GPD2: variants seen among roughly 807,000 people sequenced by gnomAD.
The protein encoded by GPD2 is glycerol-3-phosphate dehydrogenase 2, also known as glycerol-3-phosphate dehydrogenase, mitochondrial.
In GPD2, 54 loss-of-function variants were observed where a neutral mutation model predicts 82.4. The ratio of observed to expected loss-of-function variants is 0.66; its 90% CI spans 0.53 to 0.82. The LOEUF (loss-of-function observed/expected upper bound fraction) is 0.82. Ranked by LOEUF, GPD2 falls within the 40% of genes least tolerant of loss-of-function variation. The pLI, the probability that GPD2 is intolerant of heterozygous loss-of-function variation, is 0.00. For missense variants in GPD2, 748 were observed against 896.2 expected (o/e 0.83, Z 2.11); for synonymous variants, 288 against 306.1 (o/e 0.94, Z 0.62).
chr2:156,471,168 C>T (rs767751105), intron 1 of GPD2, among the ~76,000 whole-genome samples: 5 of 152,218 alleles, frequency 3.3e-5, no homozygotes, highest in Non-Finnish European at 7.3e-5. Context: ...CTCCTGTAAT[C>T]GGTTGTCAGG....
chr2:156,544,777 A>G (rs1686465579), intron 6 of GPD2, among the ~76,000 whole-genome samples: 2 of 152,182 alleles, frequency 1.3e-5, no homozygotes, highest in African/African-American at 4.8e-5. Context: ...AAAGCAGCAC[A>G]GTGTATCACC....
chr2:156,482,351 A>C (rs1049673655), intron 2 of GPD2, among the ~76,000 whole-genome samples: 1 of 152,204 alleles, frequency 6.6e-6, no homozygotes, highest in African/African-American at 2.4e-5. Context: ...AACTGTTATA[A>C]TAAGTTCCTT....
rs541930695 is a variant in GPD2, at chr2:156,513,628, C to G, written c.661+132C>G. ...TACACAACACACAAACACACGTGCA[C>G]GCACATATTCACCATTTTCTCTAAC... On this transcript the variant is annotated intron_variant, in intron 6 of 16. Transcript: ENST00000438166. 8 of 723,440 alleles carry G rather than the reference C, an allele frequency of 1.1e-5. No individual in the cohort carries two copies. The East Asian group carries it at 2.1e-4, about 19-fold the overall frequency. The allele number at this position is 723,440 out of a possible 1,614,324, so 44.8% of individuals were successfully genotyped here.
rs1234485116 is a variant in GPD2, at chr2:156,555,072, G to T, written c.972-2317G>T. Among the ~76,000 whole-genome samples the T allele has an allele frequency of 2.6e-5, 4 of 152,286 alleles. No individual in the cohort carries two copies. The East Asian group carries it at 5.8e-4, about 22-fold the overall frequency. ...CATTCTCAAACTTTAGTGTGAACTT[G>T]CAAAATTGATCCTTCATGAGAAAAC... On this transcript the variant is annotated intron_variant, in intron 8 of 16. Coordinates refer to ENST00000438166, the MANE Select transcript of GPD2 (RefSeq NM_000408.5).
At chr2:156,504,958 T>G (rs2105259214) in intron 3 of GPD2, among the ~76,000 whole-genome samples, 1 of 152,284 alleles carries the variant, frequency 6.6e-6, no homozygotes, top group East Asian at 1.9e-4. Flanking sequence ...GAGTTTTATT[T>G]TATTCTCTTT....
intron 1 of GPD2, among the ~76,000 whole-genome samples, chr2:156,468,091 T>C (rs1049926235): frequency 3.3e-5 from 5 of 152,170 alleles, no homozygotes; most frequent in African/African-American, 1.2e-4. Flanking sequence ...AGATACCTCC[T>C]TCAAGGGAAT....
chr2:156,471,008 G>A (rs780098006), intron 1 of GPD2, among the ~76,000 whole-genome samples: 14 of 152,274 alleles, frequency 9.2e-5, no homozygotes, highest in South Asian at 8.3e-4. Flanking sequence ...TAGATGTTCC[G>A]TCAAGATCTC....
intron 2 of GPD2, among the ~76,000 whole-genome samples, chr2:156,481,440 C>T (rs1683727332): frequency 6.6e-6 from 1 of 151,732 alleles, no homozygotes; most frequent in Admixed American, 6.6e-5. Flanking sequence ...TATTAACCAA[C>T]CTCTCCCTGT....
Position 156,570,186 on chromosome 2 carries a change from C to G in GPD2, c.1576C>G (p.Leu526Val). 7 of 1,612,984 alleles carry G rather than the reference C, an allele frequency of 4.3e-6. No homozygotes were observed. Among genetic ancestry groups the G allele is most frequent in the Non-Finnish European group, 5.9e-6 (7 of 1,179,190 alleles). Residue 526 changes from leucine to valine, a missense_variant, in exon 12 of 17, where the codon CTT becomes GTT. This residue lies in a region of GPD2 where 692 missense variants were observed against 809.7 expected (regional missense o/e 0.85). Transcript: ENST00000438166. ...AAGGTGGCCTATTGTTGGAGTACGT[C>G]TTGTGTCAGAATTTCCATATATTGA... ...GKRWPIVGVR[L>V]VSEFPYIEAE...
rs144378313 is a variant in GPD2 at position 156,485,352 on chromosome 2, A to G, written c.102+9145A>G. On this transcript the variant is annotated intron_variant, in intron 2 of 16. Coordinates refer to ENST00000438166, the MANE Select transcript of GPD2 (RefSeq NM_000408.5). ...GCCATCAGCGTTATGTCAAATGTGA[A>G]GGTAGAAATGTCTCTGCACCATGGC... is the stretch of plus-strand genomic sequence containing the variant. 1.9e-3 allele frequency among the ~76,000 whole-genome samples: 292 copies of G among 152,358 alleles called. 3 individuals are homozygous for G. Among genetic ancestry groups the G allele is most frequent in the Middle Eastern group, 3.4e-3 (1 of 294 alleles).
chr2:156,412,003 C>T, the GPD2 span, among the ~76,000 whole-genome samples: 2 of 152,180 alleles, frequency 1.3e-5, no homozygotes, highest in Non-Finnish European at 1.5e-5. Context: ...TGCTTGGCCA[C>T]CTCATTTGAA....
upstream of GPD2, among the ~76,000 whole-genome samples, chr2:156,432,844 T>G (rs1388999484): frequency 6.6e-6 from 1 of 152,176 alleles, no homozygotes; most frequent in Admixed American, 6.5e-5. Context: ...GTAAATTGTA[T>G]GCTGATCAGG....
chr2:156,553,515 A>G (rs997727799), intron 8 of GPD2, among the ~76,000 whole-genome samples: 2 of 152,212 alleles, frequency 1.3e-5, no homozygotes, highest in African/African-American at 2.4e-5. Context: ...AAATAATGTA[A>G]GTACATAACT....
In GPD2 at chr2:156,476,215, A is replaced by G. The variant is rs769815466; in HGVS notation, c.102+8A>G. 7.0e-7 allele frequency: 1 copy of G among 1,426,412 alleles called. No individual in the cohort carries two copies. Among genetic ancestry groups the G allele is most frequent in the South Asian group, 1.1e-5 (1 of 87,302 alleles). The allele number at this position is 1,426,412 out of a possible 1,614,324, so 88.4% of individuals were successfully genotyped here. ...CATTACAGAAGGAAACAAGTAAGTAACTGTACTTGTGTTGATTACAGTATG... is the reference window on the plus strand; with the variant it reads ...CATTACAGAAGGAAACAAGTAAGTAGCTGTACTTGTGTTGATTACAGTATG... On this transcript the variant is annotated splice_region_variant and intron_variant, in intron 2 of 16. Transcript: ENST00000438166.
At chr2:156,489,693 TTCC>T (rs1162751209) in intron 2 of GPD2, among the ~76,000 whole-genome samples, 3 of 19,350 alleles carry the variant, frequency 1.6e-4, no homozygotes, top group African/African-American at 2.1e-4. Flanking sequence ...TCCTTCTTCC[TTCC>T]TTCCTTCCTT....
the GPD2 span, among the ~76,000 whole-genome samples, chr2:156,412,720 T>C: frequency 6.6e-6 from 1 of 152,212 alleles, no homozygotes; most frequent in East Asian, 1.9e-4. Flanking sequence ...TAAAACCTTC[T>C]TCTAACTAGT....
intron 1 of GPD2, among the ~76,000 whole-genome samples, chr2:156,438,099 A>C (rs1196641539): frequency 6.6e-6 from 1 of 152,122 alleles, no homozygotes; most frequent in African/African-American, 2.4e-5. Flanking sequence ...ATGTTTTCTC[A>C]ATGAGTGACC....
chr2:156,481,974 T>C (rs561470744), intron 2 of GPD2, among the ~76,000 whole-genome samples: 124 of 152,318 alleles, frequency 8.1e-4, no homozygotes, highest in African/African-American at 2.9e-3. Context: ...TTTTCTCCCT[T>C]CTATGAAATA....
chr2:156,575,600 T>G (rs1013999469), intron 13 of GPD2, among the ~76,000 whole-genome samples: 1 of 151,624 alleles, frequency 6.6e-6, no homozygotes, highest in African/African-American at 2.4e-5. Flanking sequence ...GAGACAGGGT[T>G]TTGCCATGCT....
Sources: allele counts gnomAD v4.1 joint callset (sites outside exome capture counted in the v4.1 genomes callset), GRCh38; gene constraint gnomAD v4.1.1; regional missense constraint gnomAD v4.1.1; transcripts MANE v1.5; gene names NCBI Gene and HGNC (gene_info 2026-07-23, HGNC 2026-07-21).